Variants in PRKN observed in about 807,000 individuals in gnomAD.
The protein encoded by PRKN is E3 ubiquitin-protein ligase parkin.
In PRKN, 56 loss-of-function variants were observed where a neutral mutation model predicts 59.5. The ratio of observed to expected loss-of-function variants is 0.94; its 90% CI spans 0.76 to 1.18. The LOEUF (loss-of-function observed/expected upper bound fraction) is 1.18, where lower values mean the gene tolerates loss of function less well. PRKN is among the 50% of genes most tolerant of loss of function. The pLI is 0.00. For synonymous variants in PRKN, 250 were observed against 222.1 expected (o/e 1.13, Z -1.12); for missense variants, 657 against 596.4 (o/e 1.10, Z -1.06).
intron 1 of PRKN, among the ~76,000 whole-genome samples, chr6:162,689,836 C>T (rs1191780959): frequency 6.6e-6 from 1 of 152,188 alleles, no homozygotes; most frequent in African/African-American, 2.4e-5. Context: ...GCAGAGTCTG[C>T]AGCCTGTGAC....
chr6:161,917,920 G>A (rs1023829698), intron 6 of PRKN, among the ~76,000 whole-genome samples: 1 of 152,176 alleles, frequency 6.6e-6, no homozygotes, highest in East Asian at 1.9e-4. Flanking sequence ...TAAAATTATA[G>A]GGCAGAATGA....
rs574845433 is a variant in PRKN at position 162,375,370 on chromosome 6, C to T, written c.171+67940G>A. Among the ~76,000 whole-genome samples the T allele has an allele frequency of 3.1e-4, 47 of 149,592 alleles. No individual in the cohort carries two copies. In the South Asian group the frequency reaches 8.8e-3, roughly 28 times the overall value. On this transcript the variant is annotated intron_variant, in intron 2 of 11. Coordinates refer to ENST00000366898, the MANE Select transcript of PRKN (RefSeq NM_004562.3). ...AAGCCACTGGAGTAGGGGTGGGGAG[C>T]GGGTAAGAAGATCCATATCTGCTTA...
chr6:161,829,645 C>G (rs938649235), intron 6 of PRKN, among the ~76,000 whole-genome samples: 20 of 152,036 alleles, frequency 1.3e-4, no homozygotes, highest in African/African-American at 4.8e-4. Context: ...TCTGGGTAGG[C>G]CCCGCAAAGG....
In PRKN at chr6:162,291,491, T is replaced by C. The variant is rs185412252; in HGVS notation, c.172-28726A>G. Among the ~76,000 whole-genome samples the C allele has an allele frequency of 3.9e-5, 6 of 152,212 alleles. No homozygotes were observed. In the East Asian group the frequency reaches 1.2e-3, roughly 29 times the overall value. ...GTGCCACGTCCACCCTTGATCACTA[T>C]TACCAACCCAGTATCCCTCCAGCAC... is the stretch of plus-strand genomic sequence containing the variant. On this transcript the variant is annotated intron_variant, in intron 2 of 11. Coordinates refer to ENST00000366898, the MANE Select transcript of PRKN (RefSeq NM_004562.3).
At chr6:162,085,379 G>GATTTCAA (rs1190460677) in intron 4 of PRKN, among the ~76,000 whole-genome samples, 1 of 151,900 alleles carries the variant, frequency 6.6e-6, no homozygotes, top group Non-Finnish European at 1.5e-5. Flanking sequence ...ATCTAGATAT[G>GATTTCAA]ATTTCAAATA....
chr6:161,700,847 T>C (rs1331376763), intron 7 of PRKN, among the ~76,000 whole-genome samples: 1 of 152,156 alleles, frequency 6.6e-6, no homozygotes, highest in Non-Finnish European at 1.5e-5. Flanking sequence ...AAATATGAAA[T>C]GAAGATCTGA....
chr6:162,711,744 A>G (rs1437989192), intron 1 of PRKN, among the ~76,000 whole-genome samples: 1 of 152,160 alleles, frequency 6.6e-6, no homozygotes, highest in Non-Finnish European at 1.5e-5. Flanking sequence ...TGCTCTCTAT[A>G]TGGGGGAAAG....
intron 7 of PRKN, among the ~76,000 whole-genome samples, chr6:161,783,971 A>G (rs1790313937): frequency 6.6e-6 from 1 of 152,176 alleles, no homozygotes; most frequent in Non-Finnish European, 1.5e-5. Context: ...TTTCAGCTAT[A>G]ATTGACATTA....
intron 2 of PRKN, among the ~76,000 whole-genome samples, chr6:162,301,133 C>T (rs1781930576): frequency 6.6e-6 from 1 of 151,968 alleles, no homozygotes. Flanking sequence ...CACAGAAATG[C>T]AAAAACTTTT....
chr6:161,514,926 C>A (rs931699765), intron 9 of PRKN, among the ~76,000 whole-genome samples: 1 of 152,188 alleles, frequency 6.6e-6, no homozygotes, highest in African/African-American at 2.4e-5. Flanking sequence ...CCAAGGGTGT[C>A]CCCTGGTCTC....
At chr6:162,407,483 T>G (rs1200141111) in intron 2 of PRKN, among the ~76,000 whole-genome samples, 5 of 152,240 alleles carry the variant, frequency 3.3e-5, no homozygotes, top group Admixed American at 3.3e-4. Flanking sequence ...GTAGCAGATG[T>G]GTCAACTGAA....
At chr6:162,161,876 T>C (rs1262196833) in intron 4 of PRKN, among the ~76,000 whole-genome samples, 1 of 152,228 alleles carries the variant, frequency 6.6e-6, no homozygotes, top group Non-Finnish European at 1.5e-5. Context: ...ATAATTATTC[T>C]ATTTTATGAT....
chr6:162,118,247 T>TA (rs1319321879), intron 4 of PRKN, among the ~76,000 whole-genome samples: 4 of 150,506 alleles, frequency 2.7e-5, no homozygotes, highest in East Asian at 2.0e-4. Flanking sequence ...CTGTCTCCAC[T>TA]AAAAAAAATT....
intron 1 of PRKN, among the ~76,000 whole-genome samples, chr6:162,658,056 T>C (rs906318281): frequency 1.3e-5 from 2 of 152,244 alleles, no homozygotes; most frequent in Non-Finnish European, 2.9e-5. Flanking sequence ...TTGCCAACTC[T>C]TGTGGCAAAA....
intron 2 of PRKN, among the ~76,000 whole-genome samples, chr6:162,284,311 A>G: frequency 7.5e-6 from 1 of 133,188 alleles, no homozygotes. Context: ...TGCAACGTCC[A>G]CCTCTCGGGT....
chr6:162,619,496 T>C (rs1782569387), intron 1 of PRKN, among the ~76,000 whole-genome samples: 1 of 151,968 alleles, frequency 6.6e-6, no homozygotes, highest in Non-Finnish European at 1.5e-5. Context: ...AAATGGAAAA[T>C]ATGTAGACAG....
chr6:161,839,355 C>T (rs944104617), intron 6 of PRKN, among the ~76,000 whole-genome samples: 54 of 152,006 alleles, frequency 3.6e-4, no homozygotes, highest in Non-Finnish European at 1.2e-4. Context: ...TGCACTAAGT[C>T]GGGGGTCACG....
intron 2 of PRKN, among the ~76,000 whole-genome samples, chr6:162,385,680 T>C (rs1302623999): frequency 6.6e-6 from 1 of 152,158 alleles, no homozygotes; most frequent in Non-Finnish European, 1.5e-5. Context: ...CTGAGTTTCA[T>C]GCAGACACGA....
In PRKN at chr6:162,347,009, ATTAT is replaced by A. The variant is rs1784430534; in HGVS notation, c.172-84248_172-84245del. 5.3e-5 allele frequency among the ~76,000 whole-genome samples: 8 copies of A among 151,844 alleles called. No individual in the cohort carries two copies. The South Asian group carries it at 1.7e-3, about 32-fold the overall frequency. ...TTAAGTGTACTTTTTTATTCCTAAT[ATTAT>A]TTGTGTCTTTAGTATTTTTTTCTTG... On this transcript the variant is annotated intron_variant, in intron 2 of 11. Coordinates refer to ENST00000366898, the MANE Select transcript of PRKN (RefSeq NM_004562.3).
Sources: allele counts gnomAD v4.1 joint callset (sites outside exome capture counted in the v4.1 genomes callset), GRCh38; gene constraint gnomAD v4.1.1; transcripts MANE v1.5; gene names NCBI Gene and HGNC (gene_info 2026-07-23, HGNC 2026-07-21).